The following BSN variants were observed in gnomAD, a reference collection of about 807,000 sequenced individuals.
BSN encodes bassoon presynaptic cytomatrix protein.
A neutral mutation model predicts 264.8 loss-of-function variants in BSN; 57 were observed. The ratio of observed to expected loss-of-function variants is 0.22; its 90% CI spans 0.17 to 0.27. The LOEUF (loss-of-function observed/expected upper bound fraction) is 0.27. Among genes scored for constraint, BSN ranks in the 10% least tolerant of loss-of-function variants. The pLI is 1.00. For missense variants in BSN, 4,615 were observed against 5,232.5 expected (o/e 0.88, Z 3.64); for synonymous variants, 2,059 against 2,137.3 (o/e 0.96, Z 1.01).
chr3:49,651,029 A>G lies in BSN; in HGVS notation c.1936A>G (p.Thr646Ala). ...KSGVRRAEPA[T>A]PVVKAVPEAP... Reference sequence around the variant, plus strand: ...TGGGGTGAGGAGGGCTGAACCTGCCACCCCTGTCGTCAAGGCTGTTCCAGA... The same window carrying G: ...TGGGGTGAGGAGGGCTGAACCTGCCGCCCCTGTCGTCAAGGCTGTTCCAGA... The change falls in exon 4 of 12, where the codon ACC becomes GCC. Residue 646 changes from threonine to alanine, a missense_variant. Coordinates refer to ENST00000296452, the MANE Select transcript of BSN (RefSeq NM_003458.4). This position sits in a 1 kb window ranked among gnomAD's most constrained non-coding sequence, Gnocchi z 5.4. 1 of 1,613,588 alleles carries G rather than the reference A, an allele frequency of 6.2e-7. No homozygotes were observed. The highest frequency in any genetic ancestry group is 8.5e-7 in the Non-Finnish European group (1 of 1,179,872).
At chr3:49,596,648 G>C (rs927517146) in intron 1 of BSN, among the ~76,000 whole-genome samples, 1 of 152,106 alleles carries the variant, frequency 6.6e-6, no homozygotes, top group Non-Finnish European at 1.5e-5. Context: ...GAGGCACCAT[G>C]CCTGGCTTTT....
At chr3:49,586,185 TC>T (rs1407089785) in intron 1 of BSN, among the ~76,000 whole-genome samples, 1 of 152,166 alleles carries the variant, frequency 6.6e-6, no homozygotes, top group Non-Finnish European at 1.5e-5. Flanking sequence ...CTGGAGATTT[TC>T]CCCTATGGTT....
Position 49,654,155 on chromosome 3 carries a change from T to C in BSN, c.4599T>C (p.Gly1533=). The C allele has an allele frequency of 6.2e-7, 1 of 1,613,910 alleles. No individual in the cohort carries two copies. The highest frequency in any genetic ancestry group is 1.3e-5 in the African/African-American group (1 of 75,006). The change falls in exon 5 of 12, where the codon GGT becomes GGC. Residue 1533 remains glycine (G), a synonymous_variant. Coordinates refer to ENST00000296452, the MANE Select transcript of BSN (RefSeq NM_003458.4). The surrounding 1 kb of genome is among the most constrained non-coding windows in gnomAD (Gnocchi z 4.1). Reference sequence around the variant, plus strand: ...CTCCATCACCTATGGTAGCCCAGGGTACACAAACACCACATCGACCCAGCA... The same window carrying C: ...CTCCATCACCTATGGTAGCCCAGGGCACACAAACACCACATCGACCCAGCA... ...APTPSPMVAQ[G]TQTPHRPSTP...
chr3:49,606,181 A>ATATATTATATATACGTATATTATATATG lies in BSN; in HGVS notation c.225-18789_225-18788insTATATATACGTATATTATATATGTATAT, dbSNP rs1559603522. 7.3e-4 allele frequency among the ~76,000 whole-genome samples: 5 copies of ATATATTATATATACGTATATTATATATG among 6,806 alleles called. 1 individual carries two copies. The highest frequency in any genetic ancestry group is 1.3e-3 in the Non-Finnish European group (5 of 3,976). 4.5% of individuals were successfully genotyped at this position (6,806 alleles called of 152,430 possible). On this transcript the variant is annotated intron_variant, in intron 1 of 11. Coordinates refer to ENST00000296452, the MANE Select transcript of BSN (RefSeq NM_003458.4). ...TTATATATACATATATTATATATGTATATATATTATATATACATATATTAT... is the reference window on the plus strand; with the variant it reads ...TTATATATACATATATTATATATGTATATATTATATATACGTATATTATATATGTATATATTATATATACATATATTAT...
At position 49,651,007 on chromosome 3, in the gene BSN, G is replaced by C; in HGVS notation, c.1914G>C (p.Gly638=). 6.2e-7 allele frequency: 1 copy of C among 1,613,992 alleles called. No homozygotes were observed. Among genetic ancestry groups the C allele is most frequent in the South Asian group, 1.1e-5 (1 of 91,076 alleles). ...CTGCGACTCCTAAAGTAAAGAGTGG[G>C]GTGAGGAGGGCTGAACCTGCCACCC... The part of the protein sequence containing the change: ...PTPATPKVKS[G]VRRAEPATPV... Residue 638 remains glycine (G), a synonymous_variant, in exon 4 of 12, where the codon GGG becomes GGC. Transcript: ENST00000296452. The surrounding 1 kb of genome is among the most constrained non-coding windows in gnomAD (Gnocchi z 5.4).
intron 1 of BSN, among the ~76,000 whole-genome samples, chr3:49,556,934 G>A (rs2051677225): frequency 6.6e-6 from 1 of 152,206 alleles, no homozygotes; most frequent in Admixed American, 6.5e-5. Flanking sequence ...TGGGTAGAAG[G>A]CCAGGTAAAA....
chr3:49,605,104 A>G (rs1281926463), intron 1 of BSN, among the ~76,000 whole-genome samples: 1 of 149,342 alleles, frequency 6.7e-6, no homozygotes, highest in African/African-American at 2.5e-5. Flanking sequence ...TACTAAAAAT[A>G]CAAAAATTAG....
chr3:49,562,736 T>C (rs2051723315), intron 1 of BSN, among the ~76,000 whole-genome samples: 1 of 152,094 alleles, frequency 6.6e-6, no homozygotes, highest in African/African-American at 2.4e-5. Flanking sequence ...GATGGGAGAT[T>C]TAGCAAGATG....
At chr3:49,605,063 C>G (rs1037950842) in intron 1 of BSN, among the ~76,000 whole-genome samples, 2 of 150,634 alleles carry the variant, frequency 1.3e-5, no homozygotes, top group Non-Finnish European at 2.9e-5. Context: ...AGTTTGAGAC[C>G]AGCTTGGCCA....
At chr3:49,646,780 C>T (rs1045578453) in intron 3 of BSN, among the ~76,000 whole-genome samples, 4 of 152,180 alleles carry the variant, frequency 2.6e-5, no homozygotes, top group African/African-American at 9.7e-5. Context: ...AGGGAACAAA[C>T]ACATTTGGTG....
rs892345974 is a variant in BSN at position 49,625,621 on chromosome 3, G to A, written c.633+238G>A. Among the ~76,000 whole-genome samples, 1 of 152,224 alleles carries A rather than the reference G, an allele frequency of 6.6e-6. No individual in the cohort carries two copies. Among genetic ancestry groups the A allele is most frequent in the African/African-American group, 2.4e-5 (1 of 41,470 alleles). On this transcript the variant is annotated intron_variant, in intron 2 of 11. Transcript: ENST00000296452. This position sits in a 1 kb window ranked among gnomAD's most constrained non-coding sequence, Gnocchi z 4.4. The stretch of plus-strand genomic sequence containing the variant: ...CTGAAAGCTTGGGTAGAGTCTGAGA[G>A]TAGAAGATACTTTCTAACCTGGTCC...
At chr3:49,608,830 G>A (rs7646288) in intron 1 of BSN, among the ~76,000 whole-genome samples, 129,270 of 149,094 alleles carry the variant, frequency 0.87, 55,961 homozygotes, top group East Asian at 0.99. Context: ...TCCGTCTCGG[G>A]AAAAAAAAAA....
chr3:49,606,503 A>G (rs929580523), intron 1 of BSN, among the ~76,000 whole-genome samples: 1 of 150,764 alleles, frequency 6.6e-6, no homozygotes, highest in Non-Finnish European at 1.5e-5. Context: ...ATCCTGCACC[A>G]TAAGGCAAGT....
intron 1 of BSN, among the ~76,000 whole-genome samples, chr3:49,560,667 T>G (rs2051705142): frequency 6.6e-6 from 1 of 152,216 alleles, no homozygotes; most frequent in Non-Finnish European, 1.5e-5. Context: ...CTGGTATTGA[T>G]CCTGCATTTG....
intron 3 of BSN, among the ~76,000 whole-genome samples, chr3:49,647,450 G>A (rs1041668893): frequency 6.6e-6 from 1 of 152,188 alleles, no homozygotes; most frequent in African/African-American, 2.4e-5. Context: ...GGCAGAAGTA[G>A]TCATCAGAGC....
At chr3:49,666,918 G>A (rs1248655638) in intron 11 of BSN, among the ~76,000 whole-genome samples, 2 of 152,206 alleles carry the variant, frequency 1.3e-5, no homozygotes, top group East Asian at 1.9e-4. Flanking sequence ...GCGGCTTCCC[G>A]CTCAGCTGAT....
chr3:49,620,911 A>T (rs1396607379), intron 1 of BSN, among the ~76,000 whole-genome samples: 1 of 152,246 alleles, frequency 6.6e-6, no homozygotes, highest in East Asian at 1.9e-4. Context: ...ACTGCGCTCC[A>T]GCCTGGGCAA....
chr3:49,664,340 G>C (rs2052692688), intron 8 of BSN, 83 bp from the exon 9 acceptor site: 1 of 1,579,630 alleles, frequency 6.3e-7, no homozygotes, highest in Non-Finnish European at 8.7e-7. Flanking sequence ...CCTGTGTTCA[G>C]ATTCTCTCGT....
In BSN at chr3:49,654,475, T is replaced by G. The variant is rs1475701742; in HGVS notation, c.4919T>G (p.Ile1640Ser). 6.2e-7 allele frequency: 1 copy of G among 1,609,154 alleles called. No homozygotes were observed. Among genetic ancestry groups the G allele is most frequent in the African/African-American group, 1.3e-5 (1 of 74,792 alleles). Residue 1640 changes from isoleucine to serine, a missense_variant, in exon 5 of 12, where the codon ATC becomes AGC. By Grantham distance (142) the Ile-to-Ser change is moderately radical (BLOSUM62 -2). This residue lies in a region of BSN where 3,415 missense variants were observed against 3,866.4 expected (regional missense o/e 0.88). Transcript: ENST00000296452. This position sits in a 1 kb window ranked among gnomAD's most constrained non-coding sequence, Gnocchi z 4.1. ...YGWGALPAEN[I>S]SLCRISSVPG... ...TGGGGTGCCCTCCCTGCTGAGAACA[T>G]CTCCCTGTGCCGGATCTCCTCTGTC... is the stretch of plus-strand genomic sequence containing the variant.
Sources: allele counts gnomAD v4.1 joint callset (sites outside exome capture counted in the v4.1 genomes callset), GRCh38; gene constraint gnomAD v4.1.1; regional missense constraint gnomAD v4.1.1; non-coding constraint Gnocchi (gnomAD v3.1); transcripts MANE v1.5; gene names NCBI Gene and HGNC (gene_info 2026-07-23, HGNC 2026-07-21).